GCKR: variants seen among roughly 807,000 people sequenced by gnomAD.
GCKR encodes the protein glucokinase regulator.
Under a neutral mutation model 82.9 loss-of-function variants are expected in GCKR, and 73 were observed. The ratio of observed to expected loss-of-function variants is 0.88; its 90% confidence interval spans 0.73 to 1.07. The LOEUF (loss-of-function observed/expected upper bound fraction) is 1.07. GCKR is among the 50% of genes least tolerant of loss of function. The probability of loss-of-function intolerance (pLI) is 0.00; values close to 1 mark genes in which losing one functional copy is unlikely to be tolerated. For missense variants in GCKR, 784 were observed against 782.1 expected, an observed-to-expected ratio of 1.00 and a Z score of -0.03; for synonymous variants, 294 against 291.8, an observed-to-expected ratio of 1.01 and a Z score of -0.08.
chr2:27,498,426 A>G (rs1669477427), intron 4 of GCKR, 103 bp downstream of exon 4: 1 of 846,046 alleles, frequency 1.2e-6, no homozygotes, highest in African/African-American at 1.7e-5. Context: ...CCCCCTCACT[A>G]GACCTGGACT....
At chr2:27,505,645 G>A (rs1372000419) in intron 9 of GCKR, 73 bp from the exon 10 acceptor site, 16 of 811,312 alleles carry the variant, frequency 2.0e-5, no homozygotes, top group South Asian at 1.1e-4. Flanking sequence ...ATGCATGCCC[G>A]GGGGTTACTA....
At chr2:27,516,119 G>A (rs1669998498) in intron 16 of GCKR, among the ~76,000 whole-genome samples, 1 of 151,296 alleles carries the variant, frequency 6.6e-6, no homozygotes, top group African/African-American at 2.4e-5. Context: ...GAGTGATTTA[G>A]GATGCTATCT....
intron 9 of GCKR, among the ~76,000 whole-genome samples, chr2:27,503,829 CA>C (rs1435526842): frequency 6.6e-6 from 1 of 152,242 alleles, no homozygotes; most frequent in Non-Finnish European, 1.5e-5. Flanking sequence ...CCCTCTCTCT[CA>C]AATTGGTAAG....
At position 27,505,784 on chromosome 2, in the gene GCKR, C is replaced by T; in HGVS notation, c.817C>T (p.Leu273=). The T allele has an allele frequency of 1.9e-6, 3 of 1,610,946 alleles. No homozygotes were observed. The highest frequency in any genetic ancestry group is 2.5e-6 in the Non-Finnish European group (3 of 1,177,110). The change falls in exon 10 of 19, where the codon CTG becomes TTG. Residue 273 remains leucine (L), a synonymous_variant. Coordinates refer to ENST00000264717, the MANE Select transcript of GCKR (RefSeq NM_001486.4). The part of the protein sequence containing the change: ...GSATKILLET[L]LLAAHKTVDQ... ...TGCCACCAAGATTCTGCTGGAAACC[C>T]TGTTATTAGCAGCCCATAAGACTGT... is the stretch of plus-strand genomic sequence containing the variant.
intron 16 of GCKR, among the ~76,000 whole-genome samples, chr2:27,514,168 T>G (rs1242099160): frequency 1.3e-5 from 2 of 152,144 alleles, no homozygotes; most frequent in African/African-American, 4.8e-5. Context: ...AATAAGGGTG[T>G]GTGTATGTGT....
Position 27,505,910 on chromosome 2 carries a change from C to G in GCKR, c.869+74C>G, listed in dbSNP as rs2293572. The stretch of plus-strand genomic sequence containing the variant: ...ATGGTGTGGATGGAGATTGGCAGGT[C>G]TAGATCCAAGGACTGGGCTGGTGGC... On this transcript the variant is annotated intron_variant, in intron 10 of 18. Transcript: ENST00000264717. 329,404 of 866,018 alleles carry G rather than the reference C, an allele frequency of 0.38. 65,906 individuals carry two copies. Among genetic ancestry groups the G allele is most frequent in the Admixed American group, 0.51 (30,090 of 58,740 alleles). 53.6% of individuals were successfully genotyped at this position (866,018 alleles called of 1,614,324 possible).
Position 27,508,156 on chromosome 2 carries a change from C to G in GCKR, c.1339-12C>G. 6 of 1,603,272 alleles carry G rather than the reference C, an allele frequency of 3.7e-6. No homozygotes were observed. Among genetic ancestry groups the G allele is most frequent in the African/African-American group, 1.3e-5 (1 of 74,822 alleles). ...GGAGATGCCTCTCCTGCTCCTCTTT[C>G]TCTCTCTCCAGATCCCTCTGAAGAA... On this transcript the variant is annotated splice_polypyrimidine_tract_variant and intron_variant, in intron 15 of 18. Coordinates refer to ENST00000264717, the MANE Select transcript of GCKR (RefSeq NM_001486.4).
chr2:27,507,110 C>T, intron 12 of GCKR, 125 bp from the exon 13 acceptor site: 1 of 803,990 alleles, frequency 1.2e-6, no homozygotes. Context: ...CCCACAAGGG[C>T]TACTCCTCAC....
Position 27,498,345 on chromosome 2 carries a change from T to C in GCKR, c.354+22T>C, listed in dbSNP as rs765883076. On this transcript the variant is annotated intron_variant, in intron 4 of 18. Transcript: ENST00000264717. ...GTCGGTGAGCACCCTGGTCTCCAGT[T>C]TTCTTCCCCCTCCACTTCTGGAGGT... The C allele has an allele frequency of 4.4e-6, 7 of 1,584,636 alleles. No homozygotes were observed. The South Asian group carries it at 7.7e-5, about 18-fold the overall frequency.
intron 16 of GCKR, among the ~76,000 whole-genome samples, chr2:27,517,590 G>A (rs1276326993): frequency 6.6e-6 from 1 of 152,054 alleles, no homozygotes; most frequent in Non-Finnish European, 1.5e-5. Context: ...GGGGATTATG[G>A]GGATTACAAT....
chr2:27,497,502 C>A, intron 2 of GCKR, 60 bp from the exon 3 acceptor site: 1 of 1,560,638 alleles, frequency 6.4e-7, no homozygotes. Context: ...ACCCTGAGAC[C>A]CCCTCCCCCA....
In GCKR at chr2:27,522,589, G is replaced by A. The variant is rs563256242; in HGVS notation, c.1702G>A (p.Glu568Lys). 8 of 1,613,256 alleles carry A rather than the reference G, an allele frequency of 5.0e-6. No individual in the cohort carries two copies. The highest frequency in any genetic ancestry group is 4.5e-5 in the East Asian group (2 of 44,880). The change falls in exon 18 of 19, where the codon GAA becomes AAA. Residue 568 changes from glutamate (E) to lysine (K), a missense_variant. By Grantham distance (56) the Glu-to-Lys change is moderately conservative. Coordinates refer to ENST00000264717, the MANE Select transcript of GCKR (RefSeq NM_001486.4). ...SCHVQVAHEK[E>K]QVIPIALLSL... Reference sequence around the variant, plus strand: ...CCATGTCCAGGTTGCACATGAGAAGGAACAGGTATCCTGCCCACTGCTGGT... The same window carrying A: ...CCATGTCCAGGTTGCACATGAGAAGAAACAGGTATCCTGCCCACTGCTGGT...
At position 27,523,456 on chromosome 2, in the gene GCKR, G is replaced by T; in HGVS notation, c.*17G>T. The stretch of plus-strand genomic sequence containing the variant: ...GTTCAGTGAACCCATGTTTCTGGGT[G>T]GGTGAAAGGGGCCCAACCCTGCCCA... On this transcript the variant is annotated 3_prime_UTR_variant, in exon 19 of 19. Transcript: ENST00000264717. 6.2e-7 allele frequency: 1 copy of T among 1,601,410 alleles called. No individual in the cohort carries two copies.
At chr2:27,507,569 C>A in intron 13 of GCKR, 112 bp from the exon 14 acceptor site, 1 of 755,902 alleles carries the variant, frequency 1.3e-6, no homozygotes. Flanking sequence ...AACTTCAGCT[C>A]TTTCACCTGT....
intron 16 of GCKR, among the ~76,000 whole-genome samples, chr2:27,509,302 C>T (rs1669823302): frequency 6.6e-6 from 1 of 152,180 alleles, no homozygotes; most frequent in African/African-American, 2.4e-5. Flanking sequence ...AGTTTCTCTG[C>T]CCCTGAACAG....
chr2:27,518,935 C>A lies in GCKR; in HGVS notation c.1570C>A (p.Gln524Lys). The change falls in exon 17 of 19, where the codon CAG becomes AAG. Residue 524 changes from glutamine (Q) to lysine (K), a missense_variant and splice_region_variant. Coordinates refer to ENST00000264717, the MANE Select transcript of GCKR (RefSeq NM_001486.4). The stretch of plus-strand genomic sequence containing the variant: ...CTTCTGGCGGGCGCTGGCCATGCTG[C>A]AGGTAGGGATATGATGGGGCAGGGT... ...KLFWRALAMLQRFSGQSKARC... is the reference protein window; with the variant it reads ...KLFWRALAMLKRFSGQSKARC... 1 of 1,599,154 alleles carries A rather than the reference C, an allele frequency of 6.3e-7. No individual in the cohort carries two copies. Among genetic ancestry groups the A allele is most frequent in the South Asian group, 1.1e-5 (1 of 90,774 alleles).
Position 27,505,712 on chromosome 2 carries a change from C to G in GCKR, c.751-6C>G. ...CAATTCCTCTTGGGTGTCTTCACCT[C>G]TTCAGCCCGAGGGTCTCAGCGGCTC... On this transcript the variant is annotated splice_region_variant and splice_polypyrimidine_tract_variant and intron_variant, in intron 9 of 18. Coordinates refer to ENST00000264717, the MANE Select transcript of GCKR (RefSeq NM_001486.4). 1.3e-6 allele frequency: 2 copies of G among 1,549,968 alleles called. No individual in the cohort carries two copies. Among genetic ancestry groups the G allele is most frequent in the African/African-American group, 2.7e-5 (2 of 73,784 alleles).
chr2:27,522,646 T>C (rs755446299), intron 18 of GCKR, 52 bp downstream of exon 18: 6 of 1,503,764 alleles, frequency 4.0e-6, no homozygotes, highest in South Asian at 3.4e-5. Context: ...GTACTTTCAG[T>C]GTGTCAGGAA....
In GCKR at chr2:27,518,875, C is replaced by G. The variant is rs1370032601; in HGVS notation, c.1510C>G (p.His504Asp). ...GCTTCTTGGTAAGATCCTACAAAAC[C>G]ACATGTTGGACCTTCGGATTAGCAA... is the stretch of plus-strand genomic sequence containing the variant. ...HVLLGKILQNHMLDLRISNSK... is the reference protein window; with the variant it reads ...HVLLGKILQNDMLDLRISNSK... Residue 504 changes from histidine (H) to aspartate (D), a missense_variant, in exon 17 of 19, where the codon CAC (histidine) becomes GAC (aspartate). Physicochemically the swap from His to Asp is moderately conservative, Grantham distance 81. Coordinates refer to ENST00000264717, the MANE Select transcript of GCKR (RefSeq NM_001486.4). 1 of 1,613,568 alleles carries G rather than the reference C, an allele frequency of 6.2e-7. No homozygotes were observed. The highest frequency in any genetic ancestry group is 1.7e-5 in the Admixed American group (1 of 60,000).
Sources: allele counts gnomAD v4.1 joint callset (sites outside exome capture counted in the v4.1 genomes callset), GRCh38; gene constraint gnomAD v4.1.1; transcripts MANE v1.5; gene names NCBI Gene and HGNC (gene_info 2026-07-23, HGNC 2026-07-21).